Variants in C11orf97 observed in about 807,000 individuals in gnomAD.
C11orf97 encodes chromosome 11 open reading frame 97, also known as uncharacterized protein C11orf97.
Under a neutral mutation model 16.2 loss-of-function variants are expected in C11orf97, and 15 were observed. The observed-to-expected ratio is 0.93, with a 90% CI of 0.62 to 1.43. The LOEUF (loss-of-function observed/expected upper bound fraction) is 1.43, where lower values mean the gene tolerates loss of function less well. C11orf97 is among the 40% of genes most tolerant of loss of function. The pLI, the probability that C11orf97 is intolerant of heterozygous loss-of-function variation, is 0.00. For missense variants in C11orf97, 171 were observed against 161.2 expected (o/e 1.06, Z -0.33); for synonymous variants, 61 against 65.7 (o/e 0.93, Z 0.34).
chr11:94,514,752 CT>C lies in C11orf97; in HGVS notation c.145+2082del, dbSNP rs1947598754. 2.1e-5 allele frequency among the ~76,000 whole-genome samples: 3 copies of C among 141,968 alleles called. 1 individual carries two copies. The South Asian group carries it at 6.9e-4, about 33-fold the overall frequency. 93.1% of individuals were successfully genotyped at this position (141,968 alleles called of 152,430 possible). A position where few individuals can be genotyped will look rare whatever the true frequency, so the allele number is the denominator to read the frequency against. On this transcript the variant is annotated intron_variant, in intron 1 of 3. Coordinates refer to ENST00000542198, the MANE Select transcript of C11orf97 (RefSeq NM_001190462.2). ...TTCCCCTTCCTGGGTTCAAGCAATT[CT>C]TTGGCCTCAGCCTTCCAGGTAGCTG...
intron 1 of C11orf97, among the ~76,000 whole-genome samples, chr11:94,513,590 T>C (rs1289580776): frequency 6.6e-6 from 1 of 152,140 alleles, no homozygotes; most frequent in Non-Finnish European, 1.5e-5. Context: ...ACCTCCATAC[T>C]TGTGCTTGGT....
rs647484 is a variant in C11orf97, at chr11:94,528,089, C to G, written c.256C>G (p.Leu86Val). The part of the protein sequence containing the change: ...CHIKNPAAVA[L>V]EGIWSIKRNL... Reference sequence around the variant, plus strand: ...GCCTTAAAAAATATTGACAGTGGCCCTGGAAGGGATTTGGAGCATTAAAAG... The same window carrying G: ...GCCTTAAAAAATATTGACAGTGGCCGTGGAAGGGATTTGGAGCATTAAAAG... Residue 86 changes from leucine to valine, a missense_variant, in exon 3 of 4, where the codon CTG (leucine) becomes GTG (valine). Leu to Val is a conservative substitution (Grantham distance 32, BLOSUM62 1). Transcript: ENST00000542198. 1,011,433 of 1,525,904 alleles carry G rather than the reference C, an allele frequency of 0.66. 337,212 individuals are homozygous for G. The highest frequency in any genetic ancestry group is 0.8 in the African/African-American group (58,295 of 72,770). The allele number at this position is 1,525,904 out of a possible 1,614,324, so 94.5% of individuals were successfully genotyped here.
intron 2 of C11orf97, among the ~76,000 whole-genome samples, chr11:94,525,956 G>A: frequency 6.6e-6 from 1 of 152,216 alleles, no homozygotes; most frequent in East Asian, 1.9e-4. Context: ...AGTAGAAGGT[G>A]TTGGAGGCAT....
At chr11:94,530,513 A>G (rs957619379) in intron 3 of C11orf97, among the ~76,000 whole-genome samples, 4 of 152,248 alleles carry the variant, frequency 2.6e-5, no homozygotes, top group Admixed American at 2.6e-4. Context: ...AAAAATTGTC[A>G]GTAGTAATTA....
intron 1 of C11orf97, among the ~76,000 whole-genome samples, chr11:94,517,102 A>C (rs772096968): frequency 1.3e-4 from 20 of 152,218 alleles, no homozygotes; most frequent in Non-Finnish European, 2.1e-4. Context: ...TAAGTGGTTC[A>C]CTACTACAAT....
chr11:94,517,457 A>C lies in C11orf97; in HGVS notation c.146-126A>C, dbSNP rs150769184. The C allele has an allele frequency of 1.4e-3, 690 of 497,246 alleles. 13 individuals carry two copies. In the East Asian group the frequency reaches 0.021, roughly 15 times the overall value. 30.8% of individuals were successfully genotyped at this position (497,246 alleles called of 1,614,324 possible). A position where few individuals can be genotyped will look rare whatever the true frequency, so the allele number is the denominator to read the frequency against. ...CTTTCCAAGATAGAGCCTTCAGGGC[A>C]AATTGTCTGATATTTGTATGGAATA... On this transcript the variant is annotated intron_variant, in intron 1 of 3. Transcript: ENST00000542198.
intron 3 of C11orf97, among the ~76,000 whole-genome samples, chr11:94,529,966 C>T (rs1479661215): frequency 6.6e-6 from 1 of 152,136 alleles, no homozygotes; most frequent in East Asian, 1.9e-4. Flanking sequence ...TTCCATCATT[C>T]CAAGAAAACT....
intron 2 of C11orf97, among the ~76,000 whole-genome samples, chr11:94,522,692 G>A (rs995353429): frequency 8.5e-5 from 13 of 152,116 alleles, no homozygotes; most frequent in Non-Finnish European, 1.6e-4. Context: ...GTTCCACATC[G>A]AATTAGACTG....
intron 2 of C11orf97, among the ~76,000 whole-genome samples, chr11:94,527,105 T>C (rs1281862655): frequency 2.0e-5 from 3 of 152,194 alleles, no homozygotes; most frequent in African/African-American, 7.2e-5. Flanking sequence ...AATTAAGACA[T>C]AGTGGGTTAA....
At chr11:94,521,986 T>A (rs374893187) in intron 2 of C11orf97, among the ~76,000 whole-genome samples, 2 of 152,320 alleles carry the variant, frequency 1.3e-5, no homozygotes, top group African/African-American at 4.8e-5. Flanking sequence ...TTAACTGTCC[T>A]GGTTCTCGCT....
intron 1 of C11orf97, 32 bp downstream of exon 1, chr11:94,512,705 G>A (rs965671013): frequency 6.5e-6 from 8 of 1,235,216 alleles, no homozygotes; most frequent in African/African-American, 1.6e-5. Context: ...GACGCTACTG[G>A]GAGGAGGGGC....
At chr11:94,525,564 T>C (rs1419268197) in intron 2 of C11orf97, among the ~76,000 whole-genome samples, 1 of 152,236 alleles carries the variant, frequency 6.6e-6, no homozygotes, top group Non-Finnish European at 1.5e-5. Context: ...CAGTTATTCA[T>C]TATTTCATTC....
chr11:94,530,368 C>G (rs1270063588), intron 3 of C11orf97, among the ~76,000 whole-genome samples: 1 of 152,216 alleles, frequency 6.6e-6, no homozygotes. Context: ...CTGCTACTAT[C>G]TGCTGTACAA....
Position 94,517,610 on chromosome 11 carries a change from A to C in C11orf97, c.173A>C (p.His58Pro). Reference sequence around the variant, plus strand: ...AAGAAATTTTTATATTGTGAGCCACATAAGAGAATTAAGGAAGTACTGGAA... The same window carrying C: ...AAGAAATTTTTATATTGTGAGCCACCTAAGAGAATTAAGGAAGTACTGGAA... ...QWKKFLYCEP[H>P]KRIKEVLEEE... Residue 58 changes from histidine (H) to proline (P), a missense_variant, in exon 2 of 4, where the codon CAT (histidine) becomes CCT (proline). His to Pro is a moderately conservative substitution (Grantham distance 77, BLOSUM62 -2). Transcript: ENST00000542198. 2 of 1,531,018 alleles carry C rather than the reference A, an allele frequency of 1.3e-6. No homozygotes were observed. The highest frequency in any genetic ancestry group is 1.7e-6 in the Non-Finnish European group (2 of 1,145,126). The allele number at this position is 1,531,018 out of a possible 1,614,324, so 94.8% of individuals were successfully genotyped here.
chr11:94,522,251 C>A (rs1947662742), intron 2 of C11orf97, among the ~76,000 whole-genome samples: 1 of 152,114 alleles, frequency 6.6e-6, no homozygotes, highest in African/African-American at 2.4e-5. Context: ...ACTCACACCT[C>A]TGGGCTGGGC....
At chr11:94,517,741 C>A in intron 2 of C11orf97, 54 bp downstream of exon 2, 1 of 1,185,606 alleles carries the variant, frequency 8.4e-7, no homozygotes, top group Non-Finnish European at 1.2e-6. Flanking sequence ...AAATTGCCTA[C>A]TTGATGACAG....
intron 1 of C11orf97, 51 bp downstream of exon 1, chr11:94,512,724 C>G (rs1400748025): frequency 2.4e-6 from 3 of 1,233,504 alleles, no homozygotes; most frequent in Admixed American, 4.2e-5. Context: ...GCGTGGAGAA[C>G]GAGTGACAGG....
rs181019821 is a variant in C11orf97, at chr11:94,528,216, C to T, written c.376+7C>T. 6.5e-7 allele frequency: 1 copy of T among 1,529,192 alleles called. No homozygotes were observed. Among genetic ancestry groups the T allele is most frequent in the Non-Finnish European group, 8.7e-7 (1 of 1,144,564 alleles). 94.7% of individuals were successfully genotyped at this position (1,529,192 alleles called of 1,614,324 possible). ...AGGCACGGAGGACTCAGAAGTAAGACCCTGATGCCCTTGACTTCCACTGAA... is the reference window on the plus strand; with the variant it reads ...AGGCACGGAGGACTCAGAAGTAAGATCCTGATGCCCTTGACTTCCACTGAA... On this transcript the variant is annotated splice_region_variant and intron_variant, in intron 3 of 3. Coordinates refer to ENST00000542198, the MANE Select transcript of C11orf97 (RefSeq NM_001190462.2).
chr11:94,531,926 G>A lies in C11orf97; in HGVS notation c.*26G>A. The stretch of plus-strand genomic sequence containing the variant: ...GATGAATTAGATTTTCCATTAAGAA[G>A]GAACCTCTTTCTGCTGATGTCTGAA... On this transcript the variant is annotated 3_prime_UTR_variant, in exon 4 of 4. Coordinates refer to ENST00000542198, the MANE Select transcript of C11orf97 (RefSeq NM_001190462.2). 2.1e-6 allele frequency: 3 copies of A among 1,455,866 alleles called. No homozygotes were observed. Among genetic ancestry groups the A allele is most frequent in the Non-Finnish European group, 2.7e-6 (3 of 1,107,046 alleles). 90.2% of individuals were successfully genotyped at this position (1,455,866 alleles called of 1,614,324 possible). A position where few individuals can be genotyped will look rare whatever the true frequency, so the allele number is the denominator to read the frequency against.
Sources: allele counts gnomAD v4.1 joint callset (sites outside exome capture counted in the v4.1 genomes callset), GRCh38; gene constraint gnomAD v4.1.1; transcripts MANE v1.5; gene names NCBI Gene and HGNC (gene_info 2026-07-23, HGNC 2026-07-21).